Variants in ZNF668 observed in about 807,000 individuals in gnomAD.
The protein encoded by ZNF668 is zinc finger protein 668.
In ZNF668, 10 loss-of-function variants were observed where a neutral mutation model predicts 40.3. That is an observed-to-expected ratio of 0.25 (90% CI 0.15 to 0.42). The LOEUF (loss-of-function observed/expected upper bound fraction) is 0.42. Ranked by LOEUF, ZNF668 falls within the 10% of genes least tolerant of loss-of-function variation. The probability of loss-of-function intolerance (pLI) is 1.00; values close to 1 mark genes in which losing one functional copy is unlikely to be tolerated. For missense variants in ZNF668, 749 were observed against 904.6 expected, an observed-to-expected ratio of 0.83 and a Z score of 2.21; for synonymous variants, 428 against 384.6, an observed-to-expected ratio of 1.11 and a Z score of -1.32.
Position 31,068,239 on chromosome 16 carries a change from A to AAAAAAAAT in ZNF668, c.-22-3759_-22-3758insATTTTTTT, listed in dbSNP as rs1473353128. ...CACCATTAAAAAAAAAAAAAAAAAA[A>AAAAAAAAT]ATATATATATATATATATATATATA... On this transcript the variant is annotated intron_variant, in intron 1 of 2. Coordinates refer to ENST00000300849, the MANE Select transcript of ZNF668 (RefSeq NM_024706.5). 1.1e-3 allele frequency among the ~76,000 whole-genome samples: 89 copies of AAAAAAAAT among 82,976 alleles called. 1 individual carries two copies. The highest frequency in any genetic ancestry group is 1.5e-3 in the East Asian group (4 of 2,750). The allele number at this position is 82,976 out of a possible 152,430, so 54.4% of individuals were successfully genotyped here. A position where few individuals can be genotyped will look rare whatever the true frequency, so the allele number is the denominator to read the frequency against.
At position 31,064,199 on chromosome 16, in the gene ZNF668, C is replaced by A; in HGVS notation, c.261G>T (p.Pro87=). The A allele has an allele frequency of 6.2e-7, 1 of 1,612,568 alleles. No homozygotes were observed. The change falls in exon 2 of 3, where the codon CCG becomes CCT. Residue 87 remains proline, a synonymous_variant. Coordinates refer to ENST00000300849, the MANE Select transcript of ZNF668 (RefSeq NM_024706.5). ...CCGTCTTGTAGGCCTTGGGGCATAGCGGACACGCATAGGGCCTAGGCTTGG... is the reference window on the plus strand; with the variant it reads ...CCGTCTTGTAGGCCTTGGGGCATAGAGGACACGCATAGGGCCTAGGCTTGG... ...SAAKPRPYAC[P]LCPKAYKTAP...
chr16:31,070,991 A>G (rs2057012943), intron 1 of ZNF668, among the ~76,000 whole-genome samples: 1 of 151,248 alleles, frequency 6.6e-6, no homozygotes, highest in Non-Finnish European at 1.5e-5. Flanking sequence ...CCTCCCAAGT[A>G]TTTGGGATTA....
chr16:31,070,820 C>T (rs536240992), intron 1 of ZNF668, among the ~76,000 whole-genome samples: 1 of 152,200 alleles, frequency 6.6e-6, no homozygotes, highest in Non-Finnish European at 1.5e-5. Flanking sequence ...GGATTACAGG[C>T]ATGAGCCACC....
intron 1 of ZNF668, among the ~76,000 whole-genome samples, chr16:31,065,770 T>C (rs1010270772): frequency 6.6e-6 from 1 of 150,864 alleles, no homozygotes; most frequent in African/African-American, 2.4e-5. Context: ...AGGAGAATGG[T>C]GTGAACCTGG....
rs776177900 is a variant in ZNF668, at chr16:31,064,249, C to A, written c.211G>T (p.Gly71Trp). The change falls in exon 2 of 3, where the codon GGG (glycine) becomes TGG (tryptophan). Residue 71 changes from glycine to tryptophan, a missense_variant. Physicochemically the swap from Gly to Trp is radical, Grantham distance 184. Coordinates refer to ENST00000300849, the MANE Select transcript of ZNF668 (RefSeq NM_024706.5). Reference sequence around the variant, plus strand: ...GCCGCGGAGCCTGACACCTTCTCCCCACTGGCTTCCTCTGCCTTAGCTTCT... The same window carrying A: ...GCCGCGGAGCCTGACACCTTCTCCCAACTGGCTTCCTCTGCCTTAGCTTCT... ...ETEAKAEEASGEKVSGSAAKP... is the reference protein window; with the variant it reads ...ETEAKAEEASWEKVSGSAAKP... 3.7e-6 allele frequency: 6 copies of A among 1,613,548 alleles called. No homozygotes were observed. Among genetic ancestry groups the A allele is most frequent in the Non-Finnish European group, 4.2e-6 (5 of 1,180,034 alleles).
rs1205750272 is a variant in ZNF668, at chr16:31,061,989, G to A, written c.939C>T (p.Cys313=). ...CCGCCGGCTGCCGGAAGTCCTTGCC[G>A]CACTTCTCGCAGTGGTATGGCTTCA... The part of the protein sequence containing the change: ...EGVKPYHCEK[C]GKDFRQPADL... Residue 313 remains cysteine (C), a synonymous_variant, in exon 3 of 3, where the codon TGC becomes TGT. Transcript: ENST00000300849. The surrounding 1 kb of genome is among the most constrained non-coding windows in gnomAD (Gnocchi z 7.7). The A allele has an allele frequency of 2.5e-6, 4 of 1,613,638 alleles. No individual in the cohort carries two copies. Among genetic ancestry groups the A allele is most frequent in the South Asian group, 2.2e-5 (2 of 91,086 alleles).
intron 2 of ZNF668, 162 bp from the exon 3 acceptor site, chr16:31,062,442 C>T: frequency 1.9e-6 from 2 of 1,031,860 alleles, no homozygotes; most frequent in Admixed American, 3.0e-5. Context: ...AGCCTTCAGG[C>T]TGGCTGGGTG....
At chr16:31,065,974 G>T in intron 1 of ZNF668, 1 of 971,722 alleles carries the variant, frequency 1.0e-6, no homozygotes. Flanking sequence ...GGTGCTAGGG[G>T]AAATACAGAG....
rs768265987 is a variant in ZNF668 at position 31,064,179 on chromosome 16, T to A, written c.281A>T (p.Lys94Met). The A allele has an allele frequency of 1.6e-5, 25 of 1,611,524 alleles. No homozygotes were observed. Among genetic ancestry groups the A allele is most frequent in the Non-Finnish European group, 2.0e-5 (24 of 1,179,932 alleles). Reference protein sequence around the residue: ...YACPLCPKAYKTAPELRSHGR... With the variant: ...YACPLCPKAYMTAPELRSHGR... ...GTGGCTGCGCAGCTCGGGTGCCGTC[T>A]TGTAGGCCTTGGGGCATAGCGGACA... is the stretch of plus-strand genomic sequence containing the variant. Residue 94 changes from lysine to methionine, a missense_variant, in exon 2 of 3, where the codon AAG becomes ATG. Lys to Met is a moderately conservative substitution (Grantham distance 95). Transcript: ENST00000300849.
At chr16:31,068,582 C>T (rs2056995789) in intron 1 of ZNF668, among the ~76,000 whole-genome samples, 1 of 147,562 alleles carries the variant, frequency 6.8e-6, no homozygotes, top group Admixed American at 6.9e-5. Flanking sequence ...ATTTTAAATA[C>T]ACTCTGGATC....
rs1288301250 is a variant in ZNF668 at position 31,074,157 on chromosome 16, G to C, written c.-521C>G. 6.6e-6 allele frequency: 1 copy of C among 152,234 alleles called. No homozygotes were observed. The highest frequency in any genetic ancestry group is 2.4e-5 in the African/African-American group (1 of 41,454). 9.4% of individuals were successfully genotyped at this position (152,234 alleles called of 1,614,324 possible). Reference sequence around the variant, plus strand: ...AAGTGTCACCAAAGTACTGTGGCCAGGGCTGTAGAATCTTTTTCTCCCTTT... The same window carrying C: ...AAGTGTCACCAAAGTACTGTGGCCACGGCTGTAGAATCTTTTTCTCCCTTT... On this transcript the variant is annotated 5_prime_UTR_variant, in exon 1 of 3. Transcript: ENST00000300849.
At chr16:31,065,093 A>T in intron 1 of ZNF668, 1 of 1,022,002 alleles carries the variant, frequency 9.8e-7, no homozygotes. Flanking sequence ...GAATCTGTCC[A>T]CTCTCTGCTC....
Position 31,061,194 on chromosome 16 carries a change from G to T in ZNF668, c.1734C>A (p.Pro578=). Residue 578 remains proline, a synonymous_variant, in exon 3 of 3, where the codon CCC becomes CCA. Coordinates refer to ENST00000300849, the MANE Select transcript of ZNF668 (RefSeq NM_024706.5). The surrounding 1 kb of genome is among the most constrained non-coding windows in gnomAD (Gnocchi z 7.7). ...AGTCGCTGGCACTCAAGAAGGCCTT[G>T]GGACAATGGGGGCAGGTGTAGGGGC... is the stretch of plus-strand genomic sequence containing the variant. ...SVRPYTCPHC[P]KAFLSASDLR... is the part of the protein sequence containing the mutation. The T allele has an allele frequency of 6.6e-7, 1 of 1,521,524 alleles. No homozygotes were observed. The highest frequency in any genetic ancestry group is 8.8e-7 in the Non-Finnish European group (1 of 1,136,340). 94.3% of individuals were successfully genotyped at this position (1,521,524 alleles called of 1,614,324 possible).
chr16:31,064,813 C>A, intron 1 of ZNF668: 3 of 1,461,396 alleles, frequency 2.1e-6, no homozygotes, highest in Non-Finnish European at 2.7e-6. Flanking sequence ...CTTCCTTCTT[C>A]AGCTCAGTGT....
chr16:31,063,821 G>A lies in ZNF668; in HGVS notation c.639C>T (p.Asn213=). 6.4e-7 allele frequency: 1 copy of A among 1,572,042 alleles called. No homozygotes were observed. Among genetic ancestry groups the A allele is most frequent in the South Asian group, 1.1e-5 (1 of 87,724 alleles). ...CCGGAAGGCACCCTCACCGCTCATG[G>A]TTGCGGAGGTCCTTGAGCTCCGCAT... ...KAYAELKDLR[N]HERSHTGERP... The change falls in exon 2 of 3, where the codon AAC becomes AAT. Residue 213 remains asparagine (N), a synonymous_variant. Transcript: ENST00000300849.
At chr16:31,068,869 C>G (rs888803334) in intron 1 of ZNF668, 1 of 152,434 alleles carries the variant, frequency 6.6e-6, no homozygotes, top group African/African-American at 2.4e-5. Context: ...CGCAGCCTCC[C>G]AAAGTGCTGG....
chr16:31,068,237 A>T (rs868062078), intron 1 of ZNF668, among the ~76,000 whole-genome samples: 5 of 80,300 alleles, frequency 6.2e-5, no homozygotes, highest in Admixed American at 2.7e-4. Context: ...AAAAAAAAAA[A>T]AAATATATAT....
chr16:31,063,350 T>C (rs1162872587), intron 2 of ZNF668, among the ~76,000 whole-genome samples: 2 of 151,942 alleles, frequency 1.3e-5, no homozygotes, highest in African/African-American at 4.8e-5. Flanking sequence ...AGGCTGGTCT[T>C]GAACTCTTGG....
rs1290340667 is a variant in ZNF668, at chr16:31,063,838, G to A, written c.622C>T (p.Leu208Phe). Residue 208 changes from leucine to phenylalanine, a missense_variant, in exon 2 of 3, where the codon CTC becomes TTC. By Grantham distance (22) the Leu-to-Phe change is conservative. Around this residue, in one of 4 missense-constraint regions of ZNF668, gnomAD observed 151 missense variants for 178.6 expected, o/e 0.85. Coordinates refer to ENST00000300849, the MANE Select transcript of ZNF668 (RefSeq NM_024706.5). ...CERCGKAYAE[L>F]KDLRNHERSH... ...CGCTCATGGTTGCGGAGGTCCTTGA[G>A]CTCCGCATAGGCTTTGCCGCAACGC... 1 of 1,581,746 alleles carries A rather than the reference G, an allele frequency of 6.3e-7. No individual in the cohort carries two copies. The highest frequency in any genetic ancestry group is 8.6e-7 in the Non-Finnish European group (1 of 1,159,472).
Sources: gnomAD v4.1 joint callset for allele counts (sites outside exome capture counted in the v4.1 genomes callset) on GRCh38, gnomAD v4.1.1 for gene constraint, gnomAD v4.1.1 regional missense constraint, Gnocchi (gnomAD v3.1) non-coding constraint, MANE v1.5 for transcripts, NCBI Gene and HGNC (gene_info 2026-07-23, HGNC 2026-07-21) for gene names.